Variants in CACNA2D3 observed in about 807,000 individuals in gnomAD.
CACNA2D3 encodes calcium voltage-gated channel auxiliary subunit alpha2delta 3.
In CACNA2D3, 60 loss-of-function variants were observed where a neutral mutation model predicts 160.6. The ratio of observed to expected loss-of-function variants is 0.37; its 90% CI spans 0.30 to 0.46. The LOEUF is 0.46. CACNA2D3 is among the 20% of genes least tolerant of loss of function. The probability of loss-of-function intolerance (pLI) is 1.00; values close to 1 mark genes in which losing one functional copy is unlikely to be tolerated. For synonymous variants in CACNA2D3, 558 were observed against 492.9 expected (o/e 1.13, Z -1.75); for missense variants, 1,205 against 1,365.0 (o/e 0.88, Z 1.85).
At chr3:54,236,681 A>G (rs536670248) in intron 2 of CACNA2D3, among the ~76,000 whole-genome samples, 2 of 152,164 alleles carry the variant, frequency 1.3e-5, no homozygotes, top group African/African-American at 4.8e-5. Flanking sequence ...GACTCTCCAA[A>G]TAATGCAAAG....
chr3:54,635,460 A>G (rs1045418456), intron 10 of CACNA2D3, among the ~76,000 whole-genome samples: 1 of 152,040 alleles, frequency 6.6e-6, no homozygotes, highest in Non-Finnish European at 1.5e-5. Flanking sequence ...AGAATGGAAA[A>G]TAGGAGTATG....
intron 27 of CACNA2D3, among the ~76,000 whole-genome samples, chr3:54,907,794 T>C (rs1700477498): frequency 6.6e-6 from 1 of 152,190 alleles, no homozygotes; most frequent in Non-Finnish European, 1.5e-5. Flanking sequence ...TTGTCTATTT[T>C]TGGACATTCC....
chr3:54,245,345 G>C (rs1263189839), intron 2 of CACNA2D3, among the ~76,000 whole-genome samples: 1 of 151,992 alleles, frequency 6.6e-6, no homozygotes, highest in Non-Finnish European at 1.5e-5. Context: ...GAGATTGAGA[G>C]AGAGTGCGAG....
intron 4 of CACNA2D3, among the ~76,000 whole-genome samples, chr3:54,430,993 A>G (rs1001414694): frequency 6.6e-6 from 1 of 152,142 alleles, no homozygotes; most frequent in Non-Finnish European, 1.5e-5. Flanking sequence ...TATATGTAGT[A>G]TATACCATAT....
intron 9 of CACNA2D3, among the ~76,000 whole-genome samples, chr3:54,617,154 ATGCATGTGGAAG>A (rs1269499965): frequency 1.3e-5 from 2 of 152,204 alleles, no homozygotes; most frequent in African/African-American, 4.8e-5. Context: ...CAGTGAGAGC[ATGCATGTGGAAG>A]TGCATGTGTT....
At chr3:54,473,354 C>G (rs1169211874) in intron 4 of CACNA2D3, among the ~76,000 whole-genome samples, 1 of 152,136 alleles carries the variant, frequency 6.6e-6, no homozygotes, top group Admixed American at 6.5e-5. Flanking sequence ...AACTGGATCC[C>G]TTCCTTACAC....
At chr3:54,204,662 G>A (rs1011494002) in intron 2 of CACNA2D3, among the ~76,000 whole-genome samples, 19 of 152,010 alleles carry the variant, frequency 1.2e-4, no homozygotes, top group South Asian at 4.1e-4. Context: ...TGGATGTGGT[G>A]GCACATGCCT....
chr3:54,872,430 C>T (rs984216920), intron 18 of CACNA2D3, among the ~76,000 whole-genome samples: 2 of 152,096 alleles, frequency 1.3e-5, no homozygotes, highest in Admixed American at 6.5e-5. Context: ...CGTTTCTCTG[C>T]CCTACCCTCC....
Position 54,602,839 on chromosome 3 carries a change from G to A in CACNA2D3, c.963+20962G>A, listed in dbSNP as rs78750330. 3.6e-3 allele frequency among the ~76,000 whole-genome samples: 548 copies of A among 152,158 alleles called. 1 individual carries two copies. Among genetic ancestry groups the A allele is most frequent in the Non-Finnish European group, 5.4e-3 (368 of 68,004 alleles). ...AATTTGTTTCCACTTCATTTGCAAC[G>A]GCGTGAAAGTTTATCTGACCACTGG... is the stretch of plus-strand genomic sequence containing the variant. On this transcript the variant is annotated intron_variant, in intron 9 of 37. Coordinates refer to ENST00000474759, the MANE Select transcript of CACNA2D3 (RefSeq NM_018398.3).
chr3:54,875,169 T>C (rs4955903), intron 18 of CACNA2D3: 44,054 of 152,044 alleles, frequency 0.29, 8,492 homozygotes, highest in East Asian at 0.7. Flanking sequence ...GATTCTTTTT[T>C]ATACCCTTCC....
intron 5 of CACNA2D3, among the ~76,000 whole-genome samples, chr3:54,550,182 A>G (rs980327416): frequency 2.0e-5 from 3 of 152,132 alleles, no homozygotes; most frequent in African/African-American, 4.8e-5. Flanking sequence ...GCTTTACTTT[A>G]TGAGGAGGGC....
intron 4 of CACNA2D3, among the ~76,000 whole-genome samples, chr3:54,406,892 C>A (rs755641594): frequency 1.1e-4 from 17 of 151,740 alleles, no homozygotes; most frequent in Admixed American, 6.6e-4. Flanking sequence ...CTGTAGTCAC[C>A]ATTTTACTGT....
chr3:54,503,788 C>T, intron 5 of CACNA2D3, 134 bp downstream of exon 5: 3 of 714,280 alleles, frequency 4.2e-6, no homozygotes, highest in South Asian at 3.7e-5. Context: ...CTGAGTGTGT[C>T]AGGTATCAAC....
In CACNA2D3 at chr3:54,554,633, A is replaced by G. The variant is rs535298261; in HGVS notation, c.545-8167A>G. Among the ~76,000 whole-genome samples, 11 of 152,164 alleles carry G rather than the reference A, an allele frequency of 7.2e-5. 1 individual carries two copies. The South Asian group carries it at 1.5e-3, about 20-fold the overall frequency. The stretch of plus-strand genomic sequence containing the variant: ...CTACCTTTGAGGAAGAGCCGCTCTC[A>G]TCTGGCTTCTACAGATGAAGGCACT... On this transcript the variant is annotated intron_variant, in intron 5 of 37. Coordinates refer to ENST00000474759, the MANE Select transcript of CACNA2D3 (RefSeq NM_018398.3).
intron 26 of CACNA2D3, among the ~76,000 whole-genome samples, chr3:54,897,607 G>A (rs975835873): frequency 3.9e-5 from 6 of 152,052 alleles, no homozygotes; most frequent in East Asian, 3.9e-4. Context: ...TGTAAACTTG[G>A]GTTGCTCTGG....
intron 12 of CACNA2D3, among the ~76,000 whole-genome samples, chr3:54,757,384 C>G (rs1377342510): frequency 6.6e-6 from 1 of 152,160 alleles, no homozygotes; most frequent in Non-Finnish European, 1.5e-5. Context: ...CCTGGAAGGT[C>G]CAGCTCCTAA....
chr3:54,556,850 C>T (rs868649676), intron 5 of CACNA2D3, among the ~76,000 whole-genome samples: 13 of 152,192 alleles, frequency 8.5e-5, no homozygotes, highest in Non-Finnish European at 1.3e-4. Context: ...ATGACGTTTG[C>T]CTGCTCCCCA....
chr3:54,263,826 C>T (rs757736705), intron 2 of CACNA2D3, among the ~76,000 whole-genome samples: 3 of 152,118 alleles, frequency 2.0e-5, no homozygotes, highest in African/African-American at 4.8e-5. Flanking sequence ...ACATAAGGTA[C>T]GCATGATGTC....
At chr3:54,165,487 G>C (rs1700434083) in intron 2 of CACNA2D3, among the ~76,000 whole-genome samples, 1 of 151,456 alleles carries the variant, frequency 6.6e-6, no homozygotes, top group Non-Finnish European at 1.5e-5. Flanking sequence ...TGAATTAGAA[G>C]CTTCTTGACC....
Sources: gnomAD v4.1 joint callset for allele counts (sites outside exome capture counted in the v4.1 genomes callset) on GRCh38, gnomAD v4.1.1 for gene constraint, MANE v1.5 for transcripts, NCBI Gene and HGNC (gene_info 2026-07-23, HGNC 2026-07-21) for gene names.